Variants in EYS observed in about 807,000 individuals in gnomAD.
EYS encodes the protein protein eyes shut homolog.
In EYS, 250 loss-of-function variants were observed where a neutral mutation model predicts 282.1. That is an observed-to-expected ratio of 0.89 (90% CI 0.80 to 0.98). The LOEUF is 0.98. Among genes scored for constraint, EYS ranks in the 50% least tolerant of loss-of-function variants. The pLI is 0.00. For synonymous variants in EYS, 1,355 were observed against 1,282.9 expected (o/e 1.06, Z -1.20); for missense variants, 4,016 against 3,709.0 (o/e 1.08, Z -2.15).
At chr6:64,968,559 C>A (rs1271768860) in intron 14 of EYS, among the ~76,000 whole-genome samples, 1 of 152,082 alleles carries the variant, frequency 6.6e-6, no homozygotes, top group Non-Finnish European at 1.5e-5. Context: ...GGTCTGATTG[C>A]TTTATATAGA....
At chr6:64,502,405 T>G (rs1777081083) in intron 26 of EYS, among the ~76,000 whole-genome samples, 2 of 152,132 alleles carry the variant, frequency 1.3e-5, no homozygotes, top group African/African-American at 4.8e-5. Context: ...GTACTTTTAG[T>G]AGAGACGGGG....
Position 64,356,701 on chromosome 6 carries a change from C to G in EYS, c.6078+31989G>C, listed in dbSNP as rs1582646022. 2.6e-5 allele frequency among the ~76,000 whole-genome samples: 4 copies of G among 151,666 alleles called. No homozygotes were observed. The South Asian group carries it at 8.3e-4, about 31-fold the overall frequency. Reference sequence around the variant, plus strand: ...GCTTCAGGTTCTGGTATAAAGATGACACAATTATCCAGTGTTTGCCAAATA... The same window carrying G: ...GCTTCAGGTTCTGGTATAAAGATGAGACAATTATCCAGTGTTTGCCAAATA... On this transcript the variant is annotated intron_variant, in intron 29 of 42. Transcript: ENST00000503581.
At chr6:64,946,418 G>A (rs1769291202) in intron 14 of EYS, among the ~76,000 whole-genome samples, 1 of 151,920 alleles carries the variant, frequency 6.6e-6, no homozygotes. Context: ...GTGTTTTTCT[G>A]AAACAGAGAG....
intron 35 of EYS, among the ~76,000 whole-genome samples, chr6:63,916,979 A>G (rs562149572): frequency 2.4e-4 from 36 of 152,354 alleles, no homozygotes; most frequent in African/African-American, 7.5e-4. Context: ...AGAAGGGACA[A>G]TTTAGAAGCT....
intron 10 of EYS, among the ~76,000 whole-genome samples, chr6:65,339,562 T>C (rs114388168): frequency 0.011 from 1,663 of 150,944 alleles, 17 homozygotes; most frequent in Admixed American, 0.019. Flanking sequence ...TAGAAAAAAA[T>C]ACAGTAAATA....
intron 12 of EYS, among the ~76,000 whole-genome samples, chr6:65,250,020 G>A (rs1032278426): frequency 7.9e-5 from 12 of 152,002 alleles, no homozygotes; most frequent in African/African-American, 1.7e-4. Flanking sequence ...TTTAACAAAC[G>A]TAATGGAAGA....
chr6:64,846,208 A>C (rs1256512571), intron 19 of EYS, among the ~76,000 whole-genome samples: 2 of 152,208 alleles, frequency 1.3e-5, no homozygotes, highest in Admixed American at 6.6e-5. Context: ...GAAGGAAAAC[A>C]TAAAACAAAA....
intron 14 of EYS, among the ~76,000 whole-genome samples, chr6:64,965,777 AT>A (rs1267229188): frequency 6.6e-6 from 1 of 152,160 alleles, no homozygotes; most frequent in African/African-American, 2.4e-5. Context: ...AGATACATAT[AT>A]TAAGATACAG....
chr6:65,544,467 T>C (rs988437142), intron 2 of EYS, among the ~76,000 whole-genome samples: 3 of 152,112 alleles, frequency 2.0e-5, no homozygotes. Flanking sequence ...TTCATGATAC[T>C]GGGTGAGTTA....
chr6:65,042,014 AAC>A (rs1462851999), intron 13 of EYS, among the ~76,000 whole-genome samples: 1 of 151,666 alleles, frequency 6.6e-6, no homozygotes, highest in African/African-American at 2.4e-5. Flanking sequence ...TTAGAGACTT[AAC>A]AAATAAAAAC....
chr6:65,443,366 GTATGTA>G lies in EYS; in HGVS notation c.863-38005_863-38000del, dbSNP rs1562186443. Reference sequence around the variant, plus strand: ...CACATATAGACATATATGCATACATGTATGTACACATATAGACATATATGCATACAT... The same window carrying G: ...CACATATAGACATATATGCATACATGCACATATAGACATATATGCATACAT... On this transcript the variant is annotated intron_variant, in intron 5 of 42. Transcript: ENST00000503581. 6.5e-5 allele frequency among the ~76,000 whole-genome samples: 9 copies of G among 138,324 alleles called. 2 individuals are homozygous for G. Among genetic ancestry groups the G allele is most frequent in the Non-Finnish European group, 1.5e-4 (9 of 60,966 alleles). The allele number at this position is 138,324 out of a possible 152,430, so 90.7% of individuals were successfully genotyped here. A position where few individuals can be genotyped will look rare whatever the true frequency, so the allele number is the denominator to read the frequency against.
chr6:65,178,458 C>T (rs574131308), intron 12 of EYS, among the ~76,000 whole-genome samples: 9 of 151,960 alleles, frequency 5.9e-5, no homozygotes, highest in Admixed American at 2.6e-4. Flanking sequence ...CAGCTTCAGA[C>T]GAAGAAGGCC....
chr6:64,389,640 C>T (rs983678290), intron 28 of EYS, among the ~76,000 whole-genome samples: 1 of 152,018 alleles, frequency 6.6e-6, no homozygotes, highest in Non-Finnish European at 1.5e-5. Flanking sequence ...TCCCAAAAGC[C>T]CAAAAATATT....
At chr6:65,535,232 G>C (rs1220176783) in intron 2 of EYS, among the ~76,000 whole-genome samples, 4 of 152,028 alleles carry the variant, frequency 2.6e-5, no homozygotes, top group African/African-American at 9.7e-5. Context: ...AGTGGCCTTG[G>C]GACCCAGAAA....
intron 14 of EYS, among the ~76,000 whole-genome samples, chr6:64,979,985 T>A (rs1336217652): frequency 6.6e-6 from 1 of 151,586 alleles, no homozygotes; most frequent in Non-Finnish European, 1.5e-5. Context: ...TTGGAGACAC[T>A]ACCAAACTCT....
intron 28 of EYS, among the ~76,000 whole-genome samples, chr6:64,403,484 G>A (rs923617775): frequency 2.6e-5 from 4 of 151,982 alleles, no homozygotes; most frequent in Non-Finnish European, 5.9e-5. Context: ...AGCCTCCCAA[G>A]TAGCTGGGAT....
At chr6:65,320,054 A>G (rs1769427768) in intron 11 of EYS, among the ~76,000 whole-genome samples, 1 of 151,860 alleles carries the variant, frequency 6.6e-6, no homozygotes, top group Non-Finnish European at 1.5e-5. Context: ...GCCTAATAAT[A>G]GAACAGAAAA....
chr6:65,434,487 A>C (rs1768000299), intron 5 of EYS, among the ~76,000 whole-genome samples: 1 of 151,832 alleles, frequency 6.6e-6, no homozygotes, highest in African/African-American at 2.4e-5. Context: ...CGCCCAGCTA[A>C]ATTTTTGTAT....
At chr6:63,933,242 T>C (rs531718239) in intron 35 of EYS, among the ~76,000 whole-genome samples, 75 of 152,310 alleles carry the variant, frequency 4.9e-4, no homozygotes, top group African/African-American at 1.7e-3. Context: ...AATTTAGTTT[T>C]ATTTTTTTGA....
Sources: gnomAD v4.1 joint callset for allele counts (sites outside exome capture counted in the v4.1 genomes callset) on GRCh38, gnomAD v4.1.1 for gene constraint, MANE v1.5 for transcripts, NCBI Gene and HGNC (gene_info 2026-07-23, HGNC 2026-07-21) for gene names.